The following RALYL variants were observed in gnomAD, a reference collection of about 807,000 sequenced individuals.
RALYL encodes RNA-binding Raly-like protein.
Under a neutral mutation model 35.1 loss-of-function variants are expected in RALYL, and 29 were observed. The observed-to-expected ratio is 0.83, with a 90% confidence interval of 0.61 to 1.13. The LOEUF (loss-of-function observed/expected upper bound fraction) is 1.13. RALYL is among the 50% of genes most tolerant of loss of function. The pLI is 0.00. For synonymous variants in RALYL, 120 were observed against 127.6 expected (o/e 0.94, Z 0.40); for missense variants, 359 against 360.4 (o/e 1.00, Z 0.03).
chr8:84,317,744 GA>G (rs1454058797), intron 1 of RALYL, among the ~76,000 whole-genome samples: 1 of 152,064 alleles, frequency 6.6e-6, no homozygotes, highest in Non-Finnish European at 1.5e-5. Context: ...CTATATAATT[GA>G]AAATTTTTGA....
At chr8:84,880,587 G>C (rs562455272) in intron 7 of RALYL, among the ~76,000 whole-genome samples, 1 of 151,714 alleles carries the variant, frequency 6.6e-6, no homozygotes, top group South Asian at 2.1e-4. Context: ...CTAAAGATAC[G>C]CCAATACCCA....
At chr8:84,768,149 A>G (rs565829208) in intron 2 of RALYL, among the ~76,000 whole-genome samples, 2 of 152,300 alleles carry the variant, frequency 1.3e-5, no homozygotes, top group Non-Finnish European at 2.9e-5. Context: ...TAACTTACAC[A>G]GTGCCAGGAT....
intron 1 of RALYL, among the ~76,000 whole-genome samples, chr8:84,438,373 G>A (rs969379122): frequency 4.5e-5 from 6 of 133,674 alleles, no homozygotes; most frequent in Admixed American, 1.6e-4. Context: ...TTTCTTCTAG[G>A]ATTATTTTAC....
chr8:84,683,003 A>T (rs1414323196), intron 2 of RALYL, among the ~76,000 whole-genome samples: 1 of 152,088 alleles, frequency 6.6e-6, no homozygotes, highest in African/African-American at 2.4e-5. Context: ...CCCTCTACAC[A>T]CTGCTTTGAA....
chr8:84,813,458 A>G (rs1826383841), intron 4 of RALYL, among the ~76,000 whole-genome samples: 1 of 152,166 alleles, frequency 6.6e-6, no homozygotes, highest in South Asian at 2.1e-4. Context: ...GATCAAATTT[A>G]TGACTTTTAA....
chr8:84,913,047 G>GATAGATAA (rs1563856753), intron 8 of RALYL, among the ~76,000 whole-genome samples: 4 of 149,992 alleles, frequency 2.7e-5, no homozygotes, highest in Non-Finnish European at 4.5e-5. Flanking sequence ...TAGGTAGATA[G>GATAGATAA]ATAGATAGAT....
intron 1 of RALYL, among the ~76,000 whole-genome samples, chr8:84,523,915 T>C (rs2058678297): frequency 6.6e-6 from 1 of 152,110 alleles, no homozygotes; most frequent in African/African-American, 2.4e-5. Context: ...CAGTCTATCA[T>C]TGTTGGACAT....
intron 1 of RALYL, among the ~76,000 whole-genome samples, chr8:84,423,350 T>C (rs2045918396): frequency 6.7e-6 from 1 of 149,030 alleles, no homozygotes. Context: ...AAGTCTGTTT[T>C]ATCAGAGACT....
intron 8 of RALYL, among the ~76,000 whole-genome samples, chr8:84,897,038 A>G (rs1404849908): frequency 2.4e-4 from 36 of 152,190 alleles, no homozygotes; most frequent in Admixed American, 2.3e-3. Flanking sequence ...CCTGTATTTT[A>G]TCTGGCACCC....
intron 2 of RALYL, among the ~76,000 whole-genome samples, chr8:84,627,715 T>C (rs1823044438): frequency 6.6e-6 from 1 of 151,906 alleles, no homozygotes; most frequent in Non-Finnish European, 1.5e-5. Flanking sequence ...GTCTTATAGA[T>C]AAAATTGAAT....
chr8:84,287,599 C>A (rs1431173790), intron 1 of RALYL, among the ~76,000 whole-genome samples: 1 of 151,186 alleles, frequency 6.6e-6, no homozygotes, highest in Non-Finnish European at 1.5e-5. Context: ...AAGTGGCAAA[C>A]AGAAACAACC....
In RALYL at chr8:84,370,762, A is replaced by G. The variant is rs567962622; in HGVS notation, c.-23-158537A>G. ...AGGTCGTATAAATGTGCAAGTTTGT[A>G]GAAGCCTGGAAACAGAATGAGGGTA... is the stretch of plus-strand genomic sequence containing the variant. On this transcript the variant is annotated intron_variant, in intron 1 of 8. Coordinates refer to ENST00000521268, the MANE Select transcript of RALYL (RefSeq NM_173848.7). 7.2e-4 allele frequency among the ~76,000 whole-genome samples: 109 copies of G among 152,136 alleles called. 2 individuals are homozygous for G. In the South Asian group the frequency reaches 9.9e-3, roughly 14 times the overall value.
intron 6 of RALYL, among the ~76,000 whole-genome samples, chr8:84,869,706 T>A (rs927892492): frequency 6.6e-6 from 1 of 152,066 alleles, no homozygotes; most frequent in Non-Finnish European, 1.5e-5. Flanking sequence ...CAGAGCAAAA[T>A]CACCATGTTA....
chr8:84,499,097 T>C (rs571282665), intron 1 of RALYL, among the ~76,000 whole-genome samples: 16 of 152,038 alleles, frequency 1.1e-4, no homozygotes, highest in Admixed American at 7.9e-4. Context: ...TTTTCTTTTT[T>C]TTTTTTTTAA....
At chr8:84,697,406 A>T (rs114340225) in intron 2 of RALYL, among the ~76,000 whole-genome samples, 1 of 151,910 alleles carries the variant, frequency 6.6e-6, no homozygotes, top group African/African-American at 2.4e-5. Flanking sequence ...ACATAATGTT[A>T]TCTCTTTTTA....
intron 1 of RALYL, among the ~76,000 whole-genome samples, chr8:84,289,714 A>G (rs1376052183): frequency 6.6e-6 from 1 of 152,118 alleles, no homozygotes; most frequent in Non-Finnish European, 1.5e-5. Context: ...ACTTTAAAAG[A>G]TATATTTTTT....
chr8:84,422,500 C>T (rs1345978671), intron 1 of RALYL, among the ~76,000 whole-genome samples: 7 of 82,404 alleles, frequency 8.5e-5, no homozygotes, highest in Non-Finnish European at 1.4e-4. Flanking sequence ...AAAAAACCAG[C>T]TCCTGGATTC....
chr8:84,871,779 G>C (rs1840233036), intron 6 of RALYL, among the ~76,000 whole-genome samples: 2 of 152,010 alleles, frequency 1.3e-5, no homozygotes, highest in Admixed American at 1.3e-4. Flanking sequence ...AAAAAAATCT[G>C]ATTTGACAAT....
intron 1 of RALYL, among the ~76,000 whole-genome samples, chr8:84,244,056 T>C (rs1828566800): frequency 6.6e-6 from 1 of 152,170 alleles, no homozygotes; most frequent in Non-Finnish European, 1.5e-5. Context: ...TTTACTACCA[T>C]TTAGTGGCTT....
Sources: gnomAD v4.1 joint callset for allele counts (sites outside exome capture counted in the v4.1 genomes callset) on GRCh38, gnomAD v4.1.1 for gene constraint, MANE v1.5 for transcripts, NCBI Gene and HGNC (gene_info 2026-07-23, HGNC 2026-07-21) for gene names.